Variants in TEX15 observed in about 807,000 individuals in gnomAD.
The protein encoded by TEX15 is testis-expressed protein 15.
Under a neutral mutation model 237.3 loss-of-function variants are expected in TEX15, and 171 were observed. That is an observed-to-expected ratio of 0.72 (90% CI 0.64 to 0.82). The LOEUF is 0.82. Among genes scored for constraint, TEX15 ranks in the 40% least tolerant of loss-of-function variants. TEX15 has a pLI of 0.00. For synonymous variants in TEX15, 1,338 were observed against 1,269.8 expected (o/e 1.05, Z -1.14); for missense variants, 3,750 against 3,646.5 (o/e 1.03, Z -0.73).
At chr8:30,903,815 A>T (rs117429396) in intron 1 of TEX15, among the ~76,000 whole-genome samples, 7,046 of 152,306 alleles carry the variant, frequency 0.046, 252 homozygotes, top group Non-Finnish European at 0.065. Context: ...AAACAGAGAG[A>T]TAATTACCTT....
At chr8:30,838,387 T>C (rs376281050) in intron 9 of TEX15, among the ~76,000 whole-genome samples, 1 of 152,108 alleles carries the variant, frequency 6.6e-6, no homozygotes, top group African/African-American at 2.4e-5. Context: ...GTATAGTTTT[T>C]TAATTCATAT....
intron 4 of TEX15, among the ~76,000 whole-genome samples, chr8:30,873,081 A>T (rs539492390): frequency 3.9e-5 from 6 of 152,248 alleles, no homozygotes; most frequent in African/African-American, 1.4e-4. Context: ...AAATTGCCCA[A>T]TGATGCATTT....
intron 2 of TEX15, among the ~76,000 whole-genome samples, chr8:30,897,365 G>A (rs1808926976): frequency 6.6e-6 from 1 of 152,186 alleles, no homozygotes; most frequent in Non-Finnish European, 1.5e-5. Context: ...TACACTGTAT[G>A]CAAGCCGATG....
At chr8:30,861,810 T>C (rs1255931425) in intron 5 of TEX15, among the ~76,000 whole-genome samples, 1 of 152,078 alleles carries the variant, frequency 6.6e-6, no homozygotes, top group Admixed American at 6.6e-5. Context: ...CTTTAGTCAA[T>C]AGATAATGCT....
Position 30,845,603 on chromosome 8 carries a change from A to G in TEX15, c.4564T>C (p.Ser1522Pro), listed in dbSNP as rs1465035539. 1 of 1,613,654 alleles carries G rather than the reference A, an allele frequency of 6.2e-7. No individual in the cohort carries two copies. The highest frequency in any genetic ancestry group is 1.7e-5 in the Admixed American group (1 of 59,998). ...QEHPESQLPVSSTSQSTSQSV... is the reference protein window; with the variant it reads ...QEHPESQLPVPSTSQSTSQSV... Reference sequence around the variant, plus strand: ...TGACTTGTACTTTGGGATGTGGAGGATACAGGCAACTGTGATTCAGGATGT... The same window carrying G: ...TGACTTGTACTTTGGGATGTGGAGGGTACAGGCAACTGTGATTCAGGATGT... Residue 1522 changes from serine to proline, a missense_variant, in exon 8 of 11, where the codon TCC (serine) becomes CCC (proline). By Grantham distance (74) the Ser-to-Pro change is moderately conservative. Transcript: ENST00000643185.
At chr8:30,877,246 G>A (rs1163348141) in intron 3 of TEX15, among the ~76,000 whole-genome samples, 1 of 152,182 alleles carries the variant, frequency 6.6e-6, no homozygotes, top group Non-Finnish European at 1.5e-5. Context: ...GTCTGTGAAA[G>A]CATTGCTGAG....
At position 30,888,229 on chromosome 8, in the gene TEX15, T is replaced by A. The variant is rs1585310136; in HGVS notation, c.-9-918A>T. Reference sequence around the variant, plus strand: ...CATGCCCAGCCCAAATACTCCATTTTTAAAAAGCATTTTTTTCCCTATACA... The same window carrying A: ...CATGCCCAGCCCAAATACTCCATTTATAAAAAGCATTTTTTTCCCTATACA... On this transcript the variant is annotated intron_variant, in intron 2 of 10. Coordinates refer to ENST00000643185, the MANE Select transcript of TEX15 (RefSeq NM_001350162.2). Among the ~76,000 whole-genome samples the A allele has an allele frequency of 3.9e-5, 6 of 151,966 alleles. No homozygotes were observed. The South Asian group carries it at 1.2e-3, about 32-fold the overall frequency.
intron 5 of TEX15, among the ~76,000 whole-genome samples, chr8:30,866,152 T>C (rs1225711266): frequency 6.6e-6 from 1 of 151,962 alleles, no homozygotes; most frequent in Non-Finnish European, 1.5e-5. Flanking sequence ...TAGTTATTGA[T>C]CTGAAAAGGA....
In TEX15 at chr8:30,895,676, C is replaced by CTTTTTTTTTTTTTTTT. The variant is rs34002027; in HGVS notation, c.-10+3050_-10+3065dup. On this transcript the variant is annotated intron_variant, in intron 2 of 10. Coordinates refer to ENST00000643185, the MANE Select transcript of TEX15 (RefSeq NM_001350162.2). ...CATGTCAACACCTTTTAAACACATGCTTTTTTTTTTTTTTTTTTTTTTTTG... is the reference window on the plus strand; with the variant it reads ...CATGTCAACACCTTTTAAACACATGCTTTTTTTTTTTTTTTTTTTTTTTTTTTTTTTTTTTTTTTTG... Among the ~76,000 whole-genome samples the CTTTTTTTTTTTTTTTT allele has an allele frequency of 1.1e-3, 67 of 60,048 alleles. 18 individuals carry two copies. The highest frequency in any genetic ancestry group is 4.3e-3 in the African/African-American group (53 of 12,340). The allele number at this position is 60,048 out of a possible 152,430, so 39.4% of individuals were successfully genotyped here. A position where few individuals can be genotyped will look rare whatever the true frequency, so the allele number is the denominator to read the frequency against.
chr8:30,901,113 G>A (rs530402168), intron 1 of TEX15, among the ~76,000 whole-genome samples: 1 of 152,178 alleles, frequency 6.6e-6, no homozygotes, highest in African/African-American at 2.4e-5. Context: ...ACTCCAGCCT[G>A]GTTGACAGAA....
chr8:30,833,366 ACT>A, intron 10 of TEX15, 43 bp from the exon 11 acceptor site: 1 of 1,424,802 alleles, frequency 7.0e-7, no homozygotes, highest in African/African-American at 1.4e-5. Flanking sequence ...AATAATTTAG[ACT>A]AATGGTACAT....
At position 30,847,954 on chromosome 8, in the gene TEX15, C is replaced by G. The variant is rs201946995; in HGVS notation, c.2213G>C (p.Ser738Thr). The G allele has an allele frequency of 2.3e-4, 379 of 1,613,846 alleles. No homozygotes were observed. The highest frequency in any genetic ancestry group is 3.0e-4 in the Non-Finnish European group (350 of 1,179,952). The change falls in exon 8 of 11, where the codon AGT becomes ACT. Residue 738 changes from serine (S) to threonine (T), a missense_variant. Ser to Thr is a moderately conservative substitution (Grantham distance 58). Transcript: ENST00000643185. ...SVEYEGNIHT[S>T]LAIAQKLMEL... Reference sequence around the variant, plus strand: ...CATTAGCTTTTGAGCAATGGCTAAACTTGTATGAATGTTACCCTCATACTC... The same window carrying G: ...CATTAGCTTTTGAGCAATGGCTAAAGTTGTATGAATGTTACCCTCATACTC...
rs539322678 is a variant in TEX15, at chr8:30,893,820, A to G, written c.-10+4922T>C. ...AGTATTTGATGAACTTCTTATATCT[A>G]ACTTTTGGTATCTTTCAACAATTAT... On this transcript the variant is annotated intron_variant, in intron 2 of 10. Transcript: ENST00000643185. Among the ~76,000 whole-genome samples the G allele has an allele frequency of 7.2e-5, 11 of 152,296 alleles. No individual in the cohort carries two copies. In the South Asian group the frequency reaches 2.3e-3, roughly 32 times the overall value.
chr8:30,834,507 T>C (rs1321884142), intron 10 of TEX15, among the ~76,000 whole-genome samples: 1 of 152,130 alleles, frequency 6.6e-6, no homozygotes, highest in Non-Finnish European at 1.5e-5. Flanking sequence ...CTTATGTTCT[T>C]AGGTGAAAAA....
intron 3 of TEX15, among the ~76,000 whole-genome samples, chr8:30,879,147 A>C (rs1563265424): frequency 6.6e-6 from 1 of 151,616 alleles, no homozygotes; most frequent in Non-Finnish European, 1.5e-5. Flanking sequence ...TTACCTACTG[A>C]ACTTTGAAAG....
intron 1 of TEX15, among the ~76,000 whole-genome samples, chr8:30,904,419 C>G (rs1250914119): frequency 6.8e-6 from 1 of 147,528 alleles, no homozygotes; most frequent in Non-Finnish European, 1.5e-5. Context: ...TTCACTCCAG[C>G]CTTGGTGACA....
At chr8:30,833,435 T>C in intron 10 of TEX15, 112 bp from the exon 11 acceptor site, 3 of 755,644 alleles carry the variant, frequency 4.0e-6, no homozygotes, top group Non-Finnish European at 6.1e-6. Flanking sequence ...TCAAAGTGCT[T>C]ATTTGCCCTT....
intron 9 of TEX15, among the ~76,000 whole-genome samples, chr8:30,838,752 GT>G (rs1807370451): frequency 7.8e-6 from 1 of 127,608 alleles, no homozygotes; most frequent in Non-Finnish European, 1.7e-5. Context: ...ATATGTATGT[GT>G]ATGTGTGTAT....
intron 5 of TEX15, among the ~76,000 whole-genome samples, chr8:30,866,966 G>C (rs1444980534): frequency 6.6e-6 from 1 of 150,742 alleles, no homozygotes. Flanking sequence ...TACTTATTAT[G>C]ATAGAAACAA....
Sources: gnomAD v4.1 joint callset for allele counts (sites outside exome capture counted in the v4.1 genomes callset) on GRCh38, gnomAD v4.1.1 for gene constraint, MANE v1.5 for transcripts, NCBI Gene and HGNC (gene_info 2026-07-23, HGNC 2026-07-21) for gene names.